The following YWHAB variants were observed in gnomAD, a reference collection of about 807,000 sequenced individuals.
The protein encoded by YWHAB is 14-3-3 protein beta/alpha.
Under a neutral mutation model 28.5 loss-of-function variants are expected in YWHAB, and 2 were observed. The observed-to-expected ratio is 0.07, with a 90% CI of 0.03 to 0.22. YWHAB has a LOEUF of 0.22. YWHAB is among the 10% of genes least tolerant of loss of function. The pLI is 1.00. For missense variants in YWHAB, 148 were observed against 297.1 expected (o/e 0.50, Z 3.69); for synonymous variants, 103 against 104.7 (o/e 0.98, Z 0.10).
chr20:44,907,357 C>G lies in YWHAB; in HGVS notation c.*919C>G, dbSNP rs1481815212. 2.0e-5 allele frequency: 3 copies of G among 152,282 alleles called. No individual in the cohort carries two copies. The highest frequency in any genetic ancestry group is 7.2e-5 in the African/African-American group (3 of 41,402). 9.4% of individuals were successfully genotyped at this position (152,282 alleles called of 1,614,324 possible). A position where few individuals can be genotyped will look rare whatever the true frequency, so the allele number is the denominator to read the frequency against. On this transcript the variant is annotated 3_prime_UTR_variant, in exon 6 of 6. Transcript: ENST00000353703. Reference sequence around the variant, plus strand: ...ATTTGGGAGGCTGAGGCAGGAGGATCGCTTGAGCCCAGGAGTTTAAAGCTG... The same window carrying G: ...ATTTGGGAGGCTGAGGCAGGAGGATGGCTTGAGCCCAGGAGTTTAAAGCTG...
intron 1 of YWHAB, among the ~76,000 whole-genome samples, chr20:44,899,337 G>A (rs1601094382): frequency 6.6e-6 from 1 of 152,112 alleles, no homozygotes; most frequent in African/African-American, 2.4e-5. Flanking sequence ...AAAGTTAGCT[G>A]TGCATGGTGG....
At chr20:44,902,079 CA>C (rs2066630593) in intron 2 of YWHAB, 5 of 388,256 alleles carry the variant, frequency 1.3e-5, no homozygotes, top group Non-Finnish European at 4.6e-6. Context: ...AAAACAGTGA[CA>C]TTTTTTCAGC....
chr20:44,893,829 G>C (rs1253115390), intron 1 of YWHAB, among the ~76,000 whole-genome samples: 2 of 151,312 alleles, frequency 1.3e-5, no homozygotes, highest in African/African-American at 4.9e-5. Flanking sequence ...CTCCCGAGTA[G>C]CTGGGATTAC....
At chr20:44,891,540 T>A (rs2066562147) in intron 1 of YWHAB, among the ~76,000 whole-genome samples, 1 of 152,258 alleles carries the variant, frequency 6.6e-6, no homozygotes, top group Admixed American at 6.5e-5. Flanking sequence ...AAATTATTCA[T>A]AAGGTCAACC....
At chr20:44,898,315 AG>A (rs1568931240) in intron 1 of YWHAB, among the ~76,000 whole-genome samples, 1 of 152,186 alleles carries the variant, frequency 6.6e-6, no homozygotes, top group Non-Finnish European at 1.5e-5. Context: ...AATAAGCAGT[AG>A]GAAGAAAAAT....
intron 1 of YWHAB, among the ~76,000 whole-genome samples, chr20:44,892,731 A>G (rs1180426564): frequency 6.6e-6 from 1 of 152,206 alleles, no homozygotes; most frequent in Non-Finnish European, 1.5e-5. Flanking sequence ...ATAGCTATTA[A>G]TGTCTCTTTT....
Position 44,908,171 on chromosome 20 carries a change from AAAC to A in YWHAB, c.*1736_*1738del, listed in dbSNP as rs1424924865. On this transcript the variant is annotated 3_prime_UTR_variant, in exon 6 of 6. Coordinates refer to ENST00000353703, the MANE Select transcript of YWHAB (RefSeq NM_139323.4). ...TAAAACAAACCAAAAAAAAAGAAAA[AAAC>A]AAAAAAAAAAATCCCTCCTTTCTAG... 14 of 131,422 alleles carry A rather than the reference AAAC, an allele frequency of 1.1e-4. No individual in the cohort carries two copies. The highest frequency in any genetic ancestry group is 2.3e-4 in the African/African-American group (7 of 30,346). The allele number at this position is 131,422 out of a possible 1,614,324, so 8.1% of individuals were successfully genotyped here.
Position 44,907,883 on chromosome 20 carries a change from T to G in YWHAB, c.*1445T>G, listed in dbSNP as rs139011529. 6.6e-6 allele frequency: 1 copy of G among 152,490 alleles called. No homozygotes were observed. Among genetic ancestry groups the G allele is most frequent in the East Asian group, 1.9e-4 (1 of 5,188 alleles). 9.4% of individuals were successfully genotyped at this position (152,490 alleles called of 1,614,324 possible). The stretch of plus-strand genomic sequence containing the variant: ...TTTTTAAATATCCATGATTTCTCCC[T>G]GTATTGAGGCTAGCCCTGATCATGC... On this transcript the variant is annotated 3_prime_UTR_variant, in exon 6 of 6. Coordinates refer to ENST00000353703, the MANE Select transcript of YWHAB (RefSeq NM_139323.4).
intron 1 of YWHAB, among the ~76,000 whole-genome samples, chr20:44,895,626 A>T (rs1292464427): frequency 1.3e-5 from 2 of 151,952 alleles, no homozygotes; most frequent in African/African-American, 4.8e-5. Context: ...GAGCCACCAC[A>T]CCTGGCTAAT....
intron 1 of YWHAB, among the ~76,000 whole-genome samples, chr20:44,894,525 A>T (rs1414001628): frequency 1.3e-5 from 2 of 152,198 alleles, no homozygotes; most frequent in Admixed American, 1.3e-4. Flanking sequence ...TTTTAACATA[A>T]CATACTAACT....
chr20:44,906,448 T>C lies in YWHAB; in HGVS notation c.*10T>C. 1 of 1,610,300 alleles carries C rather than the reference T, an allele frequency of 6.2e-7. No individual in the cohort carries two copies. The highest frequency in any genetic ancestry group is 1.1e-5 in the South Asian group (1 of 90,962). Reference sequence around the variant, plus strand: ...GGAGGGAGAGAACTAATGTTTCTCGTGCTTTGTGATCTGTTCAGTGTCACT... The same window carrying C: ...GGAGGGAGAGAACTAATGTTTCTCGCGCTTTGTGATCTGTTCAGTGTCACT... On this transcript the variant is annotated 3_prime_UTR_variant, in exon 6 of 6. Coordinates refer to ENST00000353703, the MANE Select transcript of YWHAB (RefSeq NM_139323.4).
rs1240714670 is a variant in YWHAB, at chr20:44,888,934, A to G, written c.-4+3048A>G. Reference sequence around the variant, plus strand: ...TGGCAGGGAGGAAATGAGGAAATATATCTACGTAAATAGAGAGAAACTTCT... The same window carrying G: ...TGGCAGGGAGGAAATGAGGAAATATGTCTACGTAAATAGAGAGAAACTTCT... On this transcript the variant is annotated intron_variant, in intron 1 of 5. Coordinates refer to ENST00000353703, the MANE Select transcript of YWHAB (RefSeq NM_139323.4). Among the ~76,000 whole-genome samples the G allele has an allele frequency of 2.6e-5, 4 of 152,258 alleles. No homozygotes were observed. In the East Asian group the frequency reaches 5.8e-4, roughly 22 times the overall value.
chr20:44,906,239 T>G lies in YWHAB; in HGVS notation c.684+143T>G, dbSNP rs141399243. 178 of 1,140,696 alleles carry G rather than the reference T, an allele frequency of 1.6e-4. 1 individual carries two copies. The African/African-American group carries it at 2.4e-3, about 15-fold the overall frequency. 70.7% of individuals were successfully genotyped at this position (1,140,696 alleles called of 1,614,324 possible). A position where few individuals can be genotyped will look rare whatever the true frequency, so the allele number is the denominator to read the frequency against. ...AATTTGTTATAAATGACTGCTGAAG[T>G]TTTGACCTTTGCAATCATCCCTGTC... On this transcript the variant is annotated intron_variant, in intron 5 of 5. Transcript: ENST00000353703.
intron 2 of YWHAB, chr20:44,903,190 C>T: frequency 1.4e-6 from 1 of 702,546 alleles, no homozygotes; most frequent in Non-Finnish European, 1.8e-6. Context: ...TTACTACGTG[C>T]CAGGCAACGT....
chr20:44,891,353 C>T (rs2066560853), intron 1 of YWHAB, among the ~76,000 whole-genome samples: 1 of 152,200 alleles, frequency 6.6e-6, no homozygotes, highest in Non-Finnish European at 1.5e-5. Context: ...TGATCACCCT[C>T]CTCGGCCTCC....
intron 1 of YWHAB, 101 bp from the exon 2 acceptor site, chr20:44,901,430 A>T: frequency 8.3e-7 from 1 of 1,199,272 alleles, no homozygotes; most frequent in Non-Finnish European, 1.2e-6. Flanking sequence ...TTTCACATTT[A>T]GTATGCTGCT....
intron 5 of YWHAB, 60 bp downstream of exon 5, chr20:44,906,156 C>G (rs893761792): frequency 2.2e-5 from 30 of 1,373,736 alleles, no homozygotes; most frequent in Middle Eastern, 1.8e-4. Context: ...TAATAATTCA[C>G]TGTTATCTTC....
chr20:44,905,969 G>C (rs376330601), intron 4 of YWHAB, 32 bp from the exon 5 acceptor site: 7 of 1,582,964 alleles, frequency 4.4e-6, no homozygotes, highest in East Asian at 2.2e-5. Context: ...CAGAGAACTT[G>C]TGAATTCTTT....
At chr20:44,895,978 G>A (rs909978517) in intron 1 of YWHAB, among the ~76,000 whole-genome samples, 2 of 152,200 alleles carry the variant, frequency 1.3e-5, no homozygotes, top group African/African-American at 4.8e-5. Flanking sequence ...ATTATGTACA[G>A]GATGCTGTGG....
Sources: gnomAD v4.1 joint callset for allele counts (sites outside exome capture counted in the v4.1 genomes callset) on GRCh38, gnomAD v4.1.1 for gene constraint, MANE v1.5 for transcripts, NCBI Gene and HGNC (gene_info 2026-07-23, HGNC 2026-07-21) for gene names.